The following TMPRSS9 variants were observed in gnomAD, a reference collection of about 807,000 sequenced individuals.
The protein encoded by TMPRSS9 is transmembrane protease serine 9.
A neutral mutation model predicts 111.4 loss-of-function variants in TMPRSS9; 113 were observed. That is an observed-to-expected ratio of 1.01 (90% CI 0.87 to 1.19). The LOEUF is 1.19. Ranked by LOEUF, TMPRSS9 falls within the 50% of genes most tolerant of loss-of-function variation. The probability of loss-of-function intolerance (pLI) is 0.00; values close to 1 mark genes in which losing one functional copy is unlikely to be tolerated. For missense variants in TMPRSS9, 1,803 were observed against 1,513.1 expected (o/e 1.19, Z -3.18); for synonymous variants, 805 against 659.1 (o/e 1.22, Z -3.39).
rs546383072 is a variant in TMPRSS9 at position 2,421,610 on chromosome 19, T to A, written c.2155-244T>A. Among the ~76,000 whole-genome samples the A allele has an allele frequency of 8.5e-5, 13 of 152,252 alleles. No homozygotes were observed. In the South Asian group the frequency reaches 2.7e-3, roughly 32 times the overall value. ...CCTTATTGTTATTATTTTTAGAGTTTTTCTGCATTGTTTTACCTCCTCAAA... is the reference window on the plus strand; with the variant it reads ...CCTTATTGTTATTATTTTTAGAGTTATTCTGCATTGTTTTACCTCCTCAAA... On this transcript the variant is annotated intron_variant, in intron 13 of 17. Coordinates refer to ENST00000648592, the Ensembl canonical transcript of TMPRSS9.
At chr19:2,389,372 G>GTC (rs1970538813), upstream of TMPRSS9, among the ~76,000 whole-genome samples, 1 of 142,024 alleles carries the variant, frequency 7.0e-6, no homozygotes, top group Non-Finnish European at 1.5e-5. Flanking sequence ...ACCGCATCTG[G>GTC]TCTTTTTTTT....
intron 1 of TMPRSS9, among the ~76,000 whole-genome samples, chr19:2,379,408 A>G (rs1284248459): frequency 6.6e-6 from 1 of 151,726 alleles, no homozygotes; most frequent in Non-Finnish European, 1.5e-5. Flanking sequence ...GATAGTCTCA[A>G]TCTCCTGACC....
chr19:2,395,869 G>A lies in TMPRSS9; in HGVS notation c.143-670G>A, dbSNP rs1024102158. Among the ~76,000 whole-genome samples the A allele has an allele frequency of 5.3e-5, 8 of 152,074 alleles. No individual in the cohort carries two copies. In the South Asian group the frequency reaches 1.2e-3, roughly 24 times the overall value. The stretch of plus-strand genomic sequence containing the variant: ...AAAAATACAAAAAAATTAGCCACGC[G>A]TGGTCGTGGGTGCCTGTAGTCCCAG... On this transcript the variant is annotated intron_variant, in intron 1 of 17. Coordinates refer to ENST00000648592, the Ensembl canonical transcript of TMPRSS9.
At chr19:2,405,074 T>C (rs985180008) in intron 6 of TMPRSS9, among the ~76,000 whole-genome samples, 8 of 152,066 alleles carry the variant, frequency 5.3e-5, no homozygotes, top group African/African-American at 1.7e-4. Flanking sequence ...CAATATCCTA[T>C]ACAAACATGT....
rs781543845 is a variant in TMPRSS9 at position 2,403,152 on chromosome 19, C to A, written c.627C>A (p.Asp209Glu). 4 of 1,612,366 alleles carry A rather than the reference C, an allele frequency of 2.5e-6. 1 individual carries two copies. In the South Asian group the frequency reaches 4.4e-5, roughly 18 times the overall value. Reference sequence around the variant, plus strand: ...TGACCAAGGTGAACCCGGAGTGTGACGACCAGGAGGACTGCTCCGATGGGT... The same window carrying A: ...TGACCAAGGTGAACCCGGAGTGTGAAGACCAGGAGGACTGCTCCGATGGGT... Residue 209 changes from aspartate to glutamate, a missense_variant, in exon 6 of 18, where the codon GAC becomes GAA. Physicochemically the swap from Asp to Glu is conservative, Grantham distance 45 (BLOSUM62 2). Transcript: ENST00000648592.
rs7252121 is a variant in TMPRSS9 at position 2,426,039 on chromosome 19, C to T, written c.3233C>T (p.Thr1078Ile). The change falls in exon 18 of 18, where the codon ACC becomes ATC. Residue 1078 changes from threonine (T) to isoleucine (I), a missense_variant. Coordinates refer to ENST00000648592, the Ensembl canonical transcript of TMPRSS9. Reference sequence around the variant, plus strand: ...CGGCCCCACTTCCCAGGTGTCTATACCCGGGTGGCAGCTGTGAGAGGCTGG... The same window carrying T: ...CGGCCCCACTTCCCAGGTGTCTATATCCGGGTGGCAGCTGTGAGAGGCTGG... The T allele has an allele frequency of 2.6e-3, 4,190 of 1,609,174 alleles. 90 individuals carry two copies. In the African/African-American group the frequency reaches 0.045, roughly 17 times the overall value.
chr19:2,377,295 ATGTATGTATG>A (rs1970344615), intron 1 of TMPRSS9, among the ~76,000 whole-genome samples: 1 of 118,510 alleles, frequency 8.4e-6, no homozygotes, highest in African/African-American at 5.1e-5. Context: ...GTATGTATAT[ATGTATGTATG>A]TATGTATGTA....
intron 1 of TMPRSS9, among the ~76,000 whole-genome samples, chr19:2,379,008 G>C (rs535978431): frequency 6.6e-6 from 1 of 151,974 alleles, no homozygotes; most frequent in African/African-American, 2.4e-5. Context: ...ATGACACATG[G>C]GGATTATGAG....
At chr19:2,379,777 CTCTT>C (rs1970372224) in intron 1 of TMPRSS9, among the ~76,000 whole-genome samples, 3 of 142,796 alleles carry the variant, frequency 2.1e-5, no homozygotes, top group Non-Finnish European at 3.0e-5. Context: ...CTTTCTTTCT[CTCTT>C]TCTTTCTTTT....
chr19:2,400,947 G>A (rs1970824992), intron 4 of TMPRSS9, among the ~76,000 whole-genome samples: 1 of 143,632 alleles, frequency 7.0e-6, no homozygotes, highest in Non-Finnish European at 1.5e-5. Flanking sequence ...CTGCACTGTA[G>A]CCTGGGTAAC....
At chr19:2,423,179 T>TG (rs975368662) in intron 14 of TMPRSS9, among the ~76,000 whole-genome samples, 18 of 152,144 alleles carry the variant, frequency 1.2e-4, no homozygotes, top group Admixed American at 1.1e-3. Flanking sequence ...CCCTGCAGCC[T>TG]GGGGGCTCTC....
intron 10 of TMPRSS9, 26 bp from the exon 12 acceptor site, chr19:2,415,644 G>T: frequency 1.3e-6 from 2 of 1,547,872 alleles, no homozygotes; most frequent in Non-Finnish European, 1.8e-6. Context: ...AAGATCCCCA[G>T]ACCTGGTCTT....
chr19:2,388,945 G>A (rs149715807), upstream of TMPRSS9, among the ~76,000 whole-genome samples: 547 of 151,806 alleles, frequency 3.6e-3, 7 homozygotes, highest in African/African-American at 0.012. Flanking sequence ...GTCCCTCTAA[G>A]CCCCCAAGCG....
chr19:2,424,389 C>T, intron 15 of TMPRSS9, 132 bp downstream of exon 16: 2 of 1,005,722 alleles, frequency 2.0e-6, no homozygotes, highest in Non-Finnish European at 2.6e-6. Flanking sequence ...CCCACTGCCC[C>T]AGGCCACTCC....
chr19:2,386,671 A>T (rs1218990812), upstream of TMPRSS9, among the ~76,000 whole-genome samples: 1 of 152,172 alleles, frequency 6.6e-6, no homozygotes, highest in Non-Finnish European at 1.5e-5. Flanking sequence ...GTGAAGGGAC[A>T]CAGTCCTGAC....
chr19:2,424,577 G>A (rs1449119197), intron 15 of TMPRSS9, among the ~76,000 whole-genome samples: 3 of 150,486 alleles, frequency 2.0e-5, no homozygotes, highest in Non-Finnish European at 4.4e-5. Flanking sequence ...GGAACATTGG[G>A]GTCACTTCTT....
chr19:2,390,231 GTTTTTTTTTTTGT>G (rs1323931043), intron 1 of TMPRSS9, among the ~76,000 whole-genome samples: 3 of 110,592 alleles, frequency 2.7e-5, no homozygotes, highest in Non-Finnish European at 3.7e-5. Context: ...ACCCAAAGTA[GTTTTTTTTTTTGT>G]TTTTTTTTTT....
chr19:2,362,930 G>A (rs1000494867), intron 1 of TMPRSS9, among the ~76,000 whole-genome samples: 10 of 151,446 alleles, frequency 6.6e-5, no homozygotes, highest in African/African-American at 2.4e-4. Flanking sequence ...GTTGTGTGTG[G>A]TTGTGTGTTG....
chr19:2,424,394 C>A, intron 15 of TMPRSS9, 137 bp downstream of exon 16: 1 of 956,306 alleles, frequency 1.0e-6, no homozygotes, highest in Non-Finnish European at 1.4e-6. Context: ...TGCCCCAGGC[C>A]ACTCCTCCCA....
Sources: allele counts gnomAD v4.1 joint callset (sites outside exome capture counted in the v4.1 genomes callset), GRCh38; gene constraint gnomAD v4.1.1; transcripts MANE v1.5; gene names NCBI Gene and HGNC (gene_info 2026-07-23, HGNC 2026-07-21).